The following SCAMP2 variants were observed in gnomAD, a reference collection of about 807,000 sequenced individuals.
The protein encoded by SCAMP2 is secretory carrier-associated membrane protein 2.
SCAMP2 carries 25 observed loss-of-function variants against 44.1 expected under a neutral mutation model. The observed-to-expected ratio is 0.57, with a 90% CI of 0.41 to 0.79. SCAMP2 has a LOEUF of 0.79. Among genes scored for constraint, SCAMP2 ranks in the 30% least tolerant of loss-of-function variants. The pLI is 0.00. For missense variants in SCAMP2, 355 were observed against 411.0 expected (o/e 0.86, Z 1.18); for synonymous variants, 156 against 166.0 (o/e 0.94, Z 0.46).
At chr15:74,862,109 A>AAAAGTT (rs1475307504) in intron 1 of SCAMP2, among the ~76,000 whole-genome samples, 1 of 136,534 alleles carries the variant, frequency 7.3e-6, no homozygotes, top group Non-Finnish European at 1.6e-5. Flanking sequence ...AAAAAAATAC[A>AAAAGTT]AAAGTTAGCC....
intron 1 of SCAMP2, among the ~76,000 whole-genome samples, chr15:74,861,132 G>A (rs1450410431): frequency 6.6e-6 from 1 of 151,126 alleles, no homozygotes; most frequent in East Asian, 2.0e-4. Context: ...CCAAGATCGT[G>A]CCACTGCACT....
intron 1 of SCAMP2, 59 bp downstream of exon 1, chr15:74,873,140 G>T: frequency 2.2e-6 from 3 of 1,349,566 alleles, no homozygotes; most frequent in South Asian, 3.4e-5. Flanking sequence ...GAGAGGCCCG[G>T]GCGGCGGCCG....
rs1334957167 is a variant in SCAMP2 at position 74,850,485 on chromosome 15, G to C, written c.632+29C>G. On this transcript the variant is annotated intron_variant, in intron 6 of 8. Transcript: ENST00000268099. ...TGCTACCTGGGATGCCAGCCATAAA[G>C]TCTCACCCCTTGCCCCGGCCTCACT... is the stretch of plus-strand genomic sequence containing the variant. 4 of 1,609,368 alleles carry C rather than the reference G, an allele frequency of 2.5e-6. No homozygotes were observed. The African/African-American group carries it at 4.0e-5, about 16-fold the overall frequency.
At chr15:74,863,837 T>C (rs1393124910) in intron 1 of SCAMP2, among the ~76,000 whole-genome samples, 1 of 152,092 alleles carries the variant, frequency 6.6e-6, no homozygotes, top group Non-Finnish European at 1.5e-5. Context: ...CAAGAGGTGA[T>C]GGCACATGAT....
rs1231838436 is a variant in SCAMP2 at position 74,845,312 on chromosome 15, C to T, written c.856-95G>A. The T allele has an allele frequency of 1.9e-6, 3 of 1,581,306 alleles. No individual in the cohort carries two copies. In the African/African-American group the frequency reaches 4.0e-5, roughly 21 times the overall value. ...TACTCCCAAAGGGGTCACCAGAAGC[C>T]TGGCACTGCCTGACCCCCCACCCAG... is the stretch of plus-strand genomic sequence containing the variant. On this transcript the variant is annotated intron_variant, in intron 8 of 8. Coordinates refer to ENST00000268099, the MANE Select transcript of SCAMP2 (RefSeq NM_005697.5).
chr15:74,871,066 CAA>C (rs201395599), intron 1 of SCAMP2, among the ~76,000 whole-genome samples: 2,226 of 152,250 alleles, frequency 0.015, 25 homozygotes, highest in South Asian at 0.034. Context: ...AGACGTGAAA[CAA>C]GAGGCATAGG....
At chr15:74,867,431 C>T (rs1302788107) in intron 1 of SCAMP2, among the ~76,000 whole-genome samples, 1 of 152,224 alleles carries the variant, frequency 6.6e-6, no homozygotes, top group Non-Finnish European at 1.5e-5. Flanking sequence ...CCCAGCCTGG[C>T]TCCAGGTGCC....
At chr15:74,873,165 A>G (rs767116083) in intron 1 of SCAMP2, 34 bp downstream of exon 1, 2 of 1,421,728 alleles carry the variant, frequency 1.4e-6, no homozygotes, top group South Asian at 3.1e-5. Flanking sequence ...CCCTAGGGAA[A>G]TCTGAGAGCT....
intron 1 of SCAMP2, among the ~76,000 whole-genome samples, chr15:74,859,616 C>CTT (rs386383489): frequency 0.35 from 46,406 of 132,358 alleles, 10,766 homozygotes; most frequent in Non-Finnish European, 0.52. Context: ...GAAAACCACA[C>CTT]TTTTTTTTTT....
chr15:74,872,176 G>A lies in SCAMP2; in HGVS notation c.57+1023C>T, dbSNP rs149340125. On this transcript the variant is annotated intron_variant, in intron 1 of 8. Coordinates refer to ENST00000268099, the MANE Select transcript of SCAMP2 (RefSeq NM_005697.5). ...ACCTGTAATCCCAGCACTTTGGAAG[G>A]CCGAGGCGGATGGATCACCTGAGGT... 1.4e-3 allele frequency among the ~76,000 whole-genome samples: 217 copies of A among 152,184 alleles called. 1 individual carries two copies. Among genetic ancestry groups the A allele is most frequent in the African/African-American group, 5.0e-3 (207 of 41,532 alleles).
At chr15:74,863,087 G>A (rs2064519429) in intron 1 of SCAMP2, among the ~76,000 whole-genome samples, 2 of 151,312 alleles carry the variant, frequency 1.3e-5, no homozygotes, top group Admixed American at 6.6e-5. Flanking sequence ...GCTCATACCT[G>A]TAATCCCAGC....
intron 1 of SCAMP2, among the ~76,000 whole-genome samples, chr15:74,866,013 A>AG (rs1414798919): frequency 7.1e-5 from 5 of 70,434 alleles, no homozygotes; most frequent in African/African-American, 2.3e-4. Flanking sequence ...GAAGGAAGGA[A>AG]GGAAAGGAGG....
intron 1 of SCAMP2, among the ~76,000 whole-genome samples, chr15:74,869,810 G>C (rs1278158998): frequency 6.6e-6 from 1 of 152,178 alleles, no homozygotes; most frequent in African/African-American, 2.4e-5. Context: ...GTGTGACTAG[G>C]TGTGACAGTT....
At position 74,854,348 on chromosome 15, in the gene SCAMP2, G is replaced by A. The variant is rs375999666; in HGVS notation, c.127-229C>T. Among the ~76,000 whole-genome samples, 342 of 152,374 alleles carry A rather than the reference G, an allele frequency of 2.2e-3. 7 individuals carry two copies. Among genetic ancestry groups the A allele is most frequent in the Admixed American group, 0.018 (273 of 15,310 alleles). On this transcript the variant is annotated intron_variant, in intron 2 of 8. Coordinates refer to ENST00000268099, the MANE Select transcript of SCAMP2 (RefSeq NM_005697.5). Reference sequence around the variant, plus strand: ...GCTGGGTCCAGCACACTTGGGCACTGCCCTGACCTCCTTGGGGAGGGGCCC... The same window carrying A: ...GCTGGGTCCAGCACACTTGGGCACTACCCTGACCTCCTTGGGGAGGGGCCC...
intron 1 of SCAMP2, among the ~76,000 whole-genome samples, chr15:74,869,938 T>C (rs1160413280): frequency 6.6e-6 from 1 of 152,168 alleles, no homozygotes; most frequent in Non-Finnish European, 1.5e-5. Context: ...GTCCTAGCCC[T>C]GGCAGTCAAG....
intron 3 of SCAMP2, chr15:74,853,571 C>T (rs763628300): frequency 3.6e-5 from 15 of 417,986 alleles, no homozygotes; most frequent in Middle Eastern, 3.5e-4. Context: ...AGTGAGGCGG[C>T]GCAGTGGAGC....
intron 1 of SCAMP2, among the ~76,000 whole-genome samples, chr15:74,860,685 T>TAAAAAAA (rs34842935): frequency 2.2e-5 from 2 of 89,540 alleles, no homozygotes; most frequent in Non-Finnish European, 4.2e-5. Context: ...AGACTCCATT[T>TAAAAAAA]AAAAAAAAAA....
chr15:74,856,309 C>T (rs1263681995), intron 1 of SCAMP2, among the ~76,000 whole-genome samples: 4 of 124,034 alleles, frequency 3.2e-5, no homozygotes, highest in African/African-American at 9.1e-5. Flanking sequence ...GAGTCACGCT[C>T]TGTCACCCAG....
intron 1 of SCAMP2, among the ~76,000 whole-genome samples, chr15:74,870,842 G>A (rs979128228): frequency 6.6e-6 from 1 of 152,176 alleles, no homozygotes. Context: ...CCCTTGAAGC[G>A]ATTCAAAGTG....
Sources: allele counts gnomAD v4.1 joint callset (sites outside exome capture counted in the v4.1 genomes callset), GRCh38; gene constraint gnomAD v4.1.1; transcripts MANE v1.5; gene names NCBI Gene and HGNC (gene_info 2026-07-23, HGNC 2026-07-21).